Variants in PKIG observed in about 807,000 individuals in gnomAD.
PKIG encodes cAMP-dependent protein kinase inhibitor gamma, also known as protein kinase (cAMP-dependent, catalytic) inhibitor gamma.
A neutral mutation model predicts 6.8 loss-of-function variants in PKIG; 1 was observed. The ratio of observed to expected loss-of-function variants is 0.15; its 90% confidence interval spans 0.05 to 0.69. The LOEUF is 0.69. Among genes scored for constraint, PKIG ranks in the 30% least tolerant of loss-of-function variants. The pLI, the probability that PKIG is intolerant of heterozygous loss-of-function variation, is 0.82. For missense variants in PKIG, 77 were observed against 104.0 expected, an observed-to-expected ratio of 0.74 and a Z score of 1.13; for synonymous variants, 39 against 43.0, an observed-to-expected ratio of 0.91 and a Z score of 0.36.
At position 44,614,840 on chromosome 20, in the gene PKIG, G is replaced by A; in HGVS notation, c.151+133G>A. 1 of 863,972 alleles carries A rather than the reference G, an allele frequency of 1.2e-6. No individual in the cohort carries two copies. Among genetic ancestry groups the A allele is most frequent in the Non-Finnish European group, 1.8e-6 (1 of 570,400 alleles). The allele number at this position is 863,972 out of a possible 1,614,324, so 53.5% of individuals were successfully genotyped here. A position where few individuals can be genotyped will look rare whatever the true frequency, so the allele number is the denominator to read the frequency against. On this transcript the variant is annotated intron_variant, in intron 3 of 3. Transcript: ENST00000372886. This position sits in a 1 kb window ranked among gnomAD's most constrained non-coding sequence, Gnocchi z 4.6. ...ACATTTAAGTCAGGCCTGCCCCATG[G>A]TCAGTGGCAGAGTCCAGCAATCTCT... is the stretch of plus-strand genomic sequence containing the variant.
chr20:44,553,529 A>G (rs1316490405), intron 1 of PKIG, among the ~76,000 whole-genome samples: 2 of 152,184 alleles, frequency 1.3e-5, no homozygotes, highest in African/African-American at 2.4e-5. Flanking sequence ...CAGACAGCAC[A>G]TTAGATCAGC....
At chr20:44,596,378 A>G (rs1011315518) in intron 2 of PKIG, among the ~76,000 whole-genome samples, 2 of 152,228 alleles carry the variant, frequency 1.3e-5, no homozygotes, top group African/African-American at 2.4e-5. Context: ...GCTGCCAGGA[A>G]TTACACAGGA....
At chr20:44,591,136 C>T (rs1012772679) in intron 2 of PKIG, among the ~76,000 whole-genome samples, 3 of 151,934 alleles carry the variant, frequency 2.0e-5, no homozygotes, top group African/African-American at 2.4e-5. Context: ...GAGGGTGCTG[C>T]GGCTTGAAAG....
At chr20:44,595,039 ACT>A (rs555554471) in intron 2 of PKIG, among the ~76,000 whole-genome samples, 455 of 152,116 alleles carry the variant, frequency 3.0e-3, no homozygotes, top group African/African-American at 0.011. Context: ...GGCTCCCAGG[ACT>A]CTTTTTCTGG....
intron 2 of PKIG, among the ~76,000 whole-genome samples, chr20:44,599,483 G>C (rs6073494): frequency 1.3e-5 from 2 of 152,192 alleles, no homozygotes; most frequent in Non-Finnish European, 2.9e-5. Context: ...CAGCACTTTA[G>C]GAGGCTGAGG....
chr20:44,569,132 A>G (rs1223466340), intron 1 of PKIG, among the ~76,000 whole-genome samples: 2 of 152,228 alleles, frequency 1.3e-5, no homozygotes, highest in Admixed American at 6.5e-5. Flanking sequence ...CATATCGTCA[A>G]ATTGCCCTTT....
At chr20:44,610,128 C>A (rs528217209) in intron 2 of PKIG, among the ~76,000 whole-genome samples, 49 of 152,318 alleles carry the variant, frequency 3.2e-4, no homozygotes, top group Admixed American at 4.6e-4. Flanking sequence ...GTGACTAGGG[C>A]AGCGCGCAAG....
intron 1 of PKIG, among the ~76,000 whole-genome samples, chr20:44,572,886 C>T (rs537827686): frequency 6.6e-6 from 1 of 152,296 alleles, no homozygotes; most frequent in South Asian, 2.1e-4. Flanking sequence ...CCACGTTTGG[C>T]TCCCACCCCT....
At chr20:44,559,469 A>C (rs962712101) in intron 1 of PKIG, among the ~76,000 whole-genome samples, 4 of 152,228 alleles carry the variant, frequency 2.6e-5, no homozygotes, top group African/African-American at 9.6e-5. Flanking sequence ...AATTATCAGA[A>C]CCAAGGCAGG....
chr20:44,535,199 G>A (rs1361273017), intron 1 of PKIG, among the ~76,000 whole-genome samples: 2 of 152,114 alleles, frequency 1.3e-5, no homozygotes, highest in African/African-American at 4.8e-5. Context: ...AGTTGGCTGG[G>A]CATGGGGATG....
chr20:44,617,515 G>A (rs2065276277), intron 3 of PKIG, among the ~76,000 whole-genome samples: 1 of 152,080 alleles, frequency 6.6e-6, no homozygotes. Flanking sequence ...GCACAGGGGG[G>A]CTCAAGGGAA....
chr20:44,556,946 A>G (rs978176113), intron 1 of PKIG, among the ~76,000 whole-genome samples: 2 of 152,188 alleles, frequency 1.3e-5, no homozygotes, highest in African/African-American at 2.4e-5. Context: ...CAAGCTCATT[A>G]TTCAAGCCTT....
chr20:44,577,295 AT>A (rs2064907180), intron 1 of PKIG, among the ~76,000 whole-genome samples: 3 of 151,716 alleles, frequency 2.0e-5, no homozygotes, highest in African/African-American at 4.8e-5. Context: ...CGCCCAGCTA[AT>A]TTTTTTGTGT....
chr20:44,576,191 G>GTGTGTT lies in PKIG; in HGVS notation c.-240-6389_-240-6388insTTGTGT, dbSNP rs1459692628. Among the ~76,000 whole-genome samples, 29 of 150,650 alleles carry GTGTGTT rather than the reference G, an allele frequency of 1.9e-4. 1 individual carries two copies. Among genetic ancestry groups the GTGTGTT allele is most frequent in the African/African-American group, 6.8e-4 (28 of 41,014 alleles). On this transcript the variant is annotated intron_variant, in intron 1 of 4. Coordinates refer to the PKIG transcript ENST00000372887. The stretch of plus-strand genomic sequence containing the variant: ...TGTGTGTGTGTGTGTGTGTGTGTGT[G>GTGTGTT]TGTGTGTGTTTAGAAAATATTTATT...
intron 1 of PKIG, among the ~76,000 whole-genome samples, chr20:44,587,494 G>A (rs1200450305): frequency 6.6e-6 from 1 of 152,188 alleles, no homozygotes; most frequent in African/African-American, 2.4e-5. Context: ...AGAGGGCCCT[G>A]AATCTGAAGT....
At chr20:44,575,796 G>T (rs534398935) in intron 1 of PKIG, among the ~76,000 whole-genome samples, 1 of 152,312 alleles carries the variant, frequency 6.6e-6, no homozygotes, top group East Asian at 1.9e-4. Flanking sequence ...TGGGCCCTCT[G>T]TGTGCTGCAG....
At chr20:44,608,691 T>C (rs2065188107) in intron 2 of PKIG, among the ~76,000 whole-genome samples, 1 of 151,878 alleles carries the variant, frequency 6.6e-6, no homozygotes, top group Non-Finnish European at 1.5e-5. Context: ...TCCCAGCTAC[T>C]CAGGAGGCTG....
chr20:44,601,093 A>T (rs1447527830), intron 2 of PKIG, among the ~76,000 whole-genome samples: 1 of 152,162 alleles, frequency 6.6e-6, no homozygotes, highest in Non-Finnish European at 1.5e-5. Flanking sequence ...TGGTGTCTGG[A>T]AGTCCCATGA....
At chr20:44,607,888 G>C (rs2123454437) in intron 2 of PKIG, among the ~76,000 whole-genome samples, 1 of 152,204 alleles carries the variant, frequency 6.6e-6, no homozygotes, top group South Asian at 2.1e-4. Context: ...GTTTCGCCAT[G>C]TTGGCCAGGA....
Sources: gnomAD v4.1 joint callset for allele counts (sites outside exome capture counted in the v4.1 genomes callset) on GRCh38, gnomAD v4.1.1 for gene constraint, Gnocchi (gnomAD v3.1) non-coding constraint, MANE v1.5 for transcripts, NCBI Gene and HGNC (gene_info 2026-07-23, HGNC 2026-07-21) for gene names.